The following ZDHHC14 variants were observed in gnomAD, a reference collection of about 807,000 sequenced individuals.
ZDHHC14 encodes palmitoyltransferase ZDHHC14.
A neutral mutation model predicts 47.7 loss-of-function variants in ZDHHC14; 16 were observed. That is an observed-to-expected ratio of 0.34 (90% CI 0.23 to 0.51). The LOEUF is 0.51. Among genes scored for constraint, ZDHHC14 ranks in the 20% least tolerant of loss-of-function variants. The pLI is 0.97. For missense variants in ZDHHC14, 515 were observed against 662.5 expected (o/e 0.78, Z 2.44); for synonymous variants, 293 against 278.9 (o/e 1.05, Z -0.50).
chr6:157,628,964 T>C (rs919525715), intron 4 of ZDHHC14, among the ~76,000 whole-genome samples: 2 of 152,220 alleles, frequency 1.3e-5, no homozygotes, highest in African/African-American at 4.8e-5. Flanking sequence ...CTAGAAAAGA[T>C]GTCTGGTGAG....
intron 5 of ZDHHC14, among the ~76,000 whole-genome samples, chr6:157,635,632 T>C (rs1776933934): frequency 6.6e-6 from 1 of 152,172 alleles, no homozygotes; most frequent in Admixed American, 6.5e-5. Flanking sequence ...CAGAACCTTC[T>C]TTGAGAGCAC....
At chr6:157,424,742 G>T (rs1417886930) in intron 1 of ZDHHC14, among the ~76,000 whole-genome samples, 1 of 152,130 alleles carries the variant, frequency 6.6e-6, no homozygotes, top group East Asian at 1.9e-4. Flanking sequence ...CGGGAGTCCT[G>T]GTTTGACTTC....
chr6:157,420,214 G>A (rs1778067128), intron 1 of ZDHHC14, among the ~76,000 whole-genome samples: 1 of 150,610 alleles, frequency 6.6e-6, no homozygotes, highest in African/African-American at 2.4e-5. Flanking sequence ...AGGAGAGAAG[G>A]TATAGTCATT....
rs143337031 is a variant in ZDHHC14 at position 157,617,014 on chromosome 6, G to A, written c.566-11335G>A. 3.0e-3 allele frequency among the ~76,000 whole-genome samples: 455 copies of A among 152,220 alleles called. 5 individuals carry two copies. The highest frequency in any genetic ancestry group is 9.6e-3 in the African/African-American group (397 of 41,534). On this transcript the variant is annotated intron_variant, in intron 3 of 8. Transcript: ENST00000359775. ...TGACCATCACTCACCTTTTAGAGGC[G>A]GAAAGCCAAGCACCATCGTGAATAT...
intron 2 of ZDHHC14, 73 bp downstream of exon 2, chr6:157,542,818 C>G (rs112560360): frequency 6.5e-7 from 1 of 1,535,678 alleles, no homozygotes; most frequent in African/African-American, 1.4e-5. Flanking sequence ...GACGGCAGGC[C>G]GAGGGCTGTG....
intron 1 of ZDHHC14, among the ~76,000 whole-genome samples, chr6:157,438,749 A>G (rs1269032451): frequency 1.3e-5 from 2 of 152,240 alleles, no homozygotes; most frequent in African/African-American, 2.4e-5. Context: ...TCTGGATGTC[A>G]TATTAAAAGC....
chr6:157,630,630 A>G (rs1342476791), intron 4 of ZDHHC14: 1 of 148,552 alleles, frequency 6.7e-6, no homozygotes, highest in Admixed American at 6.8e-5. Context: ...CAATATGCTC[A>G]CACATGTACC....
chr6:157,475,343 C>T (rs1779456639), intron 1 of ZDHHC14, among the ~76,000 whole-genome samples: 1 of 151,680 alleles, frequency 6.6e-6, no homozygotes, highest in Non-Finnish European at 1.5e-5. Context: ...ATTACTTTGG[C>T]TATTTGGGAT....
At chr6:157,540,884 A>ATGTGTGTGTGTGTGTG (rs761747961) in intron 1 of ZDHHC14, among the ~76,000 whole-genome samples, 10,594 of 115,018 alleles carry the variant, frequency 0.092, 702 homozygotes, top group East Asian at 0.24. Flanking sequence ...ATATATATGT[A>ATGTGTGTGTGTGTGTG]TGTATGTGTG....
At chr6:157,536,480 G>A (rs1043408123) in intron 1 of ZDHHC14, among the ~76,000 whole-genome samples, 5 of 152,156 alleles carry the variant, frequency 3.3e-5, no homozygotes, top group Non-Finnish European at 5.9e-5. Flanking sequence ...TGGTTTTAAT[G>A]TCTCTGCTAT....
At chr6:157,581,345 G>C (rs1482453848) in intron 2 of ZDHHC14, among the ~76,000 whole-genome samples, 1 of 150,936 alleles carries the variant, frequency 6.6e-6, no homozygotes, top group Non-Finnish European at 1.5e-5. Flanking sequence ...CTGATTGTGT[G>C]GTCAATTTAA....
chr6:157,479,600 A>C (rs1007685196), intron 1 of ZDHHC14, among the ~76,000 whole-genome samples: 5 of 152,238 alleles, frequency 3.3e-5, no homozygotes, highest in African/African-American at 1.2e-4. Context: ...CGCTTTTGCC[A>C]AAAGCTTCTG....
intron 1 of ZDHHC14, among the ~76,000 whole-genome samples, chr6:157,390,399 G>A (rs1041574137): frequency 1.3e-5 from 2 of 152,068 alleles, no homozygotes; most frequent in Non-Finnish European, 2.9e-5. Flanking sequence ...TATCCCGCTT[G>A]GGGTTTGCCG....
rs547607884 is a variant in ZDHHC14 at position 157,571,632 on chromosome 6, G to C, written c.407-21356G>C. On this transcript the variant is annotated intron_variant, in intron 2 of 8. Transcript: ENST00000359775. Reference sequence around the variant, plus strand: ...AGCTGCTTAGATTCCCCAGCTAATGGTACTGAAATGCAGCCTTGGGGTTCA... The same window carrying C: ...AGCTGCTTAGATTCCCCAGCTAATGCTACTGAAATGCAGCCTTGGGGTTCA... Among the ~76,000 whole-genome samples, 7 of 152,230 alleles carry C rather than the reference G, an allele frequency of 4.6e-5. No homozygotes were observed. The East Asian group carries it at 1.2e-3, about 25-fold the overall frequency.
chr6:157,429,301 A>C (rs1778288231), intron 1 of ZDHHC14, among the ~76,000 whole-genome samples: 1 of 152,208 alleles, frequency 6.6e-6, no homozygotes, highest in Non-Finnish European at 1.5e-5. Flanking sequence ...TAGAATGGAA[A>C]ATAGAGTACG....
intron 6 of ZDHHC14, among the ~76,000 whole-genome samples, chr6:157,646,612 CAAAAAA>C (rs5881225): frequency 8.2e-6 from 1 of 121,500 alleles, no homozygotes. Flanking sequence ...CACTCCATCT[CAAAAAA>C]AAAAAAAAAA....
intron 1 of ZDHHC14, among the ~76,000 whole-genome samples, chr6:157,540,910 G>GTGTGTGTGTGTGTGTGTGTGTA (rs1284429244): frequency 7.3e-5 from 9 of 122,974 alleles, no homozygotes; most frequent in African/African-American, 2.6e-4. Flanking sequence ...GTGTGTGTGT[G>GTGTGTGTGTGTGTGTGTGTGTA]TATATATATA....
intron 1 of ZDHHC14, among the ~76,000 whole-genome samples, chr6:157,540,933 T>TATATATAA (rs1252700559): frequency 7.0e-6 from 1 of 143,416 alleles, no homozygotes; most frequent in African/African-American, 2.8e-5. Context: ...TATATATATA[T>TATATATAA]AATTTCATAC....
intron 1 of ZDHHC14, among the ~76,000 whole-genome samples, chr6:157,433,340 G>A (rs1778376272): frequency 6.6e-6 from 1 of 152,178 alleles, no homozygotes; most frequent in Admixed American, 6.5e-5. Flanking sequence ...CGAAAGAAGG[G>A]TAGTTTAAAT....
Sources: allele counts gnomAD v4.1 joint callset (sites outside exome capture counted in the v4.1 genomes callset), GRCh38; gene constraint gnomAD v4.1.1; transcripts MANE v1.5; gene names NCBI Gene and HGNC (gene_info 2026-07-23, HGNC 2026-07-21).